DENND2B: variants seen among roughly 807,000 people sequenced by gnomAD.
The protein encoded by DENND2B is DENN domain-containing protein 2B.
Under a neutral mutation model 116.0 loss-of-function variants are expected in DENND2B, and 32 were observed. That is an observed-to-expected ratio of 0.28 (90% CI 0.21 to 0.37). The LOEUF (loss-of-function observed/expected upper bound fraction) is 0.37, where lower values mean the gene tolerates loss of function less well. DENND2B is among the 10% of genes least tolerant of loss of function. The probability of loss-of-function intolerance (pLI) is 1.00; values close to 1 mark genes in which losing one functional copy is unlikely to be tolerated. For synonymous variants in DENND2B, 588 were observed against 583.9 expected (o/e 1.01, Z -0.10); for missense variants, 1,276 against 1,477.7 (o/e 0.86, Z 2.24).
At chr11:8,775,417 G>T (rs972779414) in intron 1 of DENND2B, among the ~76,000 whole-genome samples, 1 of 152,184 alleles carries the variant, frequency 6.6e-6, no homozygotes, top group Non-Finnish European at 1.5e-5. Flanking sequence ...ACTCCAAAAA[G>T]CCCTGGGAGA....
At chr11:8,715,849 G>C in intron 5 of DENND2B, 31 bp from the exon 6 acceptor site, 1 of 1,561,638 alleles carries the variant, frequency 6.4e-7, no homozygotes, top group Non-Finnish European at 8.7e-7. Context: ...TGCGAGAGGG[G>C]CTTGCCACAG....
intron 1 of DENND2B, among the ~76,000 whole-genome samples, chr11:8,885,514 A>G (rs557876144): frequency 6.6e-6 from 1 of 152,338 alleles, no homozygotes; most frequent in Admixed American, 6.5e-5. Flanking sequence ...TTGCCACCAC[A>G]TTCTCTCAAA....
chr11:8,907,380 G>A (rs890974320), intron 1 of DENND2B, among the ~76,000 whole-genome samples: 3 of 152,106 alleles, frequency 2.0e-5, no homozygotes, highest in African/African-American at 7.2e-5. Flanking sequence ...GGTAGGTCAT[G>A]TTCTATCATT....
intron 4 of DENND2B, among the ~76,000 whole-genome samples, chr11:8,837,289 G>A (rs1400236554): frequency 6.7e-6 from 1 of 149,546 alleles, no homozygotes; most frequent in African/African-American, 2.5e-5. Context: ...AAACCATTTT[G>A]TTTCTTCTTC....
intron 1 of DENND2B, among the ~76,000 whole-genome samples, chr11:8,801,403 G>A (rs1324385470): frequency 6.6e-6 from 1 of 152,124 alleles, no homozygotes; most frequent in Non-Finnish European, 1.5e-5. Flanking sequence ...GCTGCCTGGC[G>A]TGGTGGCTCA....
intron 4 of DENND2B, among the ~76,000 whole-genome samples, chr11:8,822,067 C>A (rs765873649): frequency 6.6e-6 from 1 of 152,160 alleles, no homozygotes; most frequent in Non-Finnish European, 1.5e-5. Context: ...TAAATTAAAT[C>A]AATTACTGGT....
At chr11:8,851,447 C>T (rs556940619) in intron 3 of DENND2B, among the ~76,000 whole-genome samples, 47 of 152,194 alleles carry the variant, frequency 3.1e-4, no homozygotes, top group African/African-American at 1.1e-3. Flanking sequence ...AATGCAATAC[C>T]ATTTTTATCT....
At chr11:8,758,648 C>T (rs2054025858) in intron 1 of DENND2B, among the ~76,000 whole-genome samples, 1 of 152,184 alleles carries the variant, frequency 6.6e-6, no homozygotes, top group Non-Finnish European at 1.5e-5. Flanking sequence ...ATTCTAGCTT[C>T]TTTTGAAAAA....
rs1170362674 is a variant in DENND2B at position 8,717,799 on chromosome 11, T to C, written c.1571A>G (p.Asp524Gly). ...KSQQLSENSL[D>G]SLHRMWSPQD... ...AGGACTCCACATCCTGTGCAAAGAG[T>C]CCAAGGAGTTCTCAGACAGTTGCTG... The change falls in exon 5 of 20, where the codon GAC (aspartate) becomes GGC (glycine). Residue 524 changes from aspartate to glycine, a missense_variant. Transcript: ENST00000313726. 6.2e-7 allele frequency: 1 copy of C among 1,612,242 alleles called. No individual in the cohort carries two copies. The highest frequency in any genetic ancestry group is 8.5e-7 in the Non-Finnish European group (1 of 1,178,898).
intron 4 of DENND2B, among the ~76,000 whole-genome samples, chr11:8,835,332 G>A (rs1450456160): frequency 1.3e-5 from 2 of 152,150 alleles, no homozygotes; most frequent in South Asian, 2.1e-4. Flanking sequence ...ATATCTGGGG[G>A]GAATCTTTAA....
chr11:8,747,515 C>T (rs2051481030), intron 2 of DENND2B, among the ~76,000 whole-genome samples: 1 of 152,184 alleles, frequency 6.6e-6, no homozygotes, highest in East Asian at 1.9e-4. Context: ...CAACCTGCTT[C>T]CAGTCCCACC....
At chr11:8,779,289 C>T (rs1252867112) in intron 1 of DENND2B, among the ~76,000 whole-genome samples, 1 of 152,166 alleles carries the variant, frequency 6.6e-6, no homozygotes, top group East Asian at 1.9e-4. Context: ...GACTATGACT[C>T]AAGGTCCCAA....
intron 1 of DENND2B, among the ~76,000 whole-genome samples, chr11:8,765,161 C>A (rs1342316466): frequency 6.6e-6 from 1 of 152,104 alleles, no homozygotes; most frequent in Non-Finnish European, 1.5e-5. Context: ...AAACAAAGAC[C>A]TTCCCCCTAA....
intron 1 of DENND2B, chr11:8,871,102 G>A (rs2063768377): frequency 6.6e-6 from 1 of 152,384 alleles, no homozygotes; most frequent in Admixed American, 6.5e-5. Context: ...CAGGGAGAGA[G>A]AGGGGAGGGA....
chr11:8,758,255 T>C (rs2053948694), intron 1 of DENND2B, among the ~76,000 whole-genome samples: 2 of 152,152 alleles, frequency 1.3e-5, no homozygotes, highest in South Asian at 4.1e-4. Context: ...AACTAAAAGA[T>C]GGCACTCAGC....
In DENND2B at chr11:8,707,231, C is replaced by T. The variant is rs1378716750; in HGVS notation, c.2431-6G>A. ...CGCTCCACCTCATCTAGGACCTGTGCCCACCGCCAGCAGCCCAAAGAGGAA... is the reference window on the plus strand; with the variant it reads ...CGCTCCACCTCATCTAGGACCTGTGTCCACCGCCAGCAGCCCAAAGAGGAA... On this transcript the variant is annotated splice_region_variant and splice_polypyrimidine_tract_variant and intron_variant, in intron 12 of 19. Coordinates refer to ENST00000313726, the MANE Select transcript of DENND2B (RefSeq NM_213618.2). The surrounding 1 kb of genome is among the most constrained non-coding windows in gnomAD (Gnocchi z 4.8). 1.2e-6 allele frequency: 2 copies of T among 1,607,110 alleles called. No individual in the cohort carries two copies. The highest frequency in any genetic ancestry group is 1.7e-5 in the Admixed American group (1 of 59,628).
chr11:8,784,931 G>A (rs527275441), intron 1 of DENND2B, among the ~76,000 whole-genome samples: 5 of 152,086 alleles, frequency 3.3e-5, no homozygotes, highest in South Asian at 2.1e-4. Context: ...AGGCAAATAC[G>A]AAACATCTAC....
chr11:8,839,388 A>C (rs546079221), intron 3 of DENND2B: 1 of 152,116 alleles, frequency 6.6e-6, no homozygotes, highest in African/African-American at 2.4e-5. Context: ...CACCAAGTAA[A>C]ATTCACTTAC....
At chr11:8,900,269 C>CAA (rs58137458) in intron 1 of DENND2B, among the ~76,000 whole-genome samples, 2,976 of 140,234 alleles carry the variant, frequency 0.021, 68 homozygotes, top group East Asian at 0.085. Flanking sequence ...ACTAAAAATA[C>CAA]AAAAAAAAAA....
Sources: allele counts gnomAD v4.1 joint callset (sites outside exome capture counted in the v4.1 genomes callset), GRCh38; gene constraint gnomAD v4.1.1; non-coding constraint Gnocchi (gnomAD v3.1); transcripts MANE v1.5; gene names NCBI Gene and HGNC (gene_info 2026-07-23, HGNC 2026-07-21).